The following ACTR3C variants were observed in gnomAD, a reference collection of about 807,000 sequenced individuals.
The protein encoded by ACTR3C is actin related protein 3C, also known as actin-related protein 3C.
In ACTR3C, 18 loss-of-function variants were observed where a neutral mutation model predicts 26.3. The observed-to-expected ratio is 0.68, with a 90% CI of 0.47 to 1.01. The LOEUF is 1.01. Ranked by LOEUF, ACTR3C falls within the 50% of genes least tolerant of loss-of-function variation. The pLI, the probability that ACTR3C is intolerant of heterozygous loss-of-function variation, is 0.00. For missense variants in ACTR3C, 184 were observed against 250.7 expected (o/e 0.73, Z 1.80); for synonymous variants, 55 against 94.5 (o/e 0.58, Z 2.42).
At chr7:149,947,941 A>G in the ACTR3C span, among the ~76,000 whole-genome samples, 2 of 151,792 alleles carry the variant, frequency 1.3e-5, no homozygotes, top group African/African-American at 4.9e-5. Flanking sequence ...TCCTCGTGTC[A>G]ATGTTATACA....
the ACTR3C span, among the ~76,000 whole-genome samples, chr7:150,070,431 T>G: frequency 6.6e-6 from 1 of 152,178 alleles, no homozygotes; most frequent in Admixed American, 6.5e-5. Flanking sequence ...GGCAGAGAAA[T>G]AGCCAGGGGC....
the ACTR3C span, among the ~76,000 whole-genome samples, chr7:150,110,444 TGAGGGTGGGGCTGGAA>T: frequency 9.6e-5 from 11 of 114,138 alleles, no homozygotes; most frequent in Non-Finnish European, 1.3e-4. Context: ...TGGGGCTGCC[TGAGGGTGGGGCTGGAA>T]GAGGGTGGGG....
At chr7:149,994,516 G>A in the ACTR3C span, among the ~76,000 whole-genome samples, 1 of 152,156 alleles carries the variant, frequency 6.6e-6, no homozygotes, top group Non-Finnish European at 1.5e-5. Flanking sequence ...AGAATCGCTT[G>A]AACCCGGGAG....
intron 6 of ACTR3C, among the ~76,000 whole-genome samples, chr7:150,282,353 T>C (rs547429203): frequency 1.3e-5 from 2 of 152,204 alleles, no homozygotes; most frequent in African/African-American, 4.8e-5. Flanking sequence ...AACACTGAGA[T>C]TTTGGATTAA....
chr7:150,159,943 T>G, the ACTR3C span, among the ~76,000 whole-genome samples: 1 of 152,078 alleles, frequency 6.6e-6, no homozygotes, highest in East Asian at 1.9e-4. Flanking sequence ...TAGCTGGGCC[T>G]GCCATCATGC....
chr7:150,093,086 A>G, the ACTR3C span, among the ~76,000 whole-genome samples: 1 of 151,476 alleles, frequency 6.6e-6, no homozygotes, highest in African/African-American at 2.5e-5. Context: ...CACTCTAAGT[A>G]CTTGCGGCCT....
At chr7:150,258,361 ATTTC>A (rs1193860919) in intron 6 of ACTR3C, among the ~76,000 whole-genome samples, 142 of 150,924 alleles carry the variant, frequency 9.4e-4, no homozygotes, top group African/African-American at 3.2e-3. Context: ...ATAACAAGCC[ATTTC>A]AAAGACTACT....
chr7:149,971,458 T>A, the ACTR3C span, among the ~76,000 whole-genome samples: 1 of 152,212 alleles, frequency 6.6e-6, no homozygotes, highest in Admixed American at 6.5e-5. Flanking sequence ...CATGTTAGGA[T>A]CCTTACACAT....
the ACTR3C span, among the ~76,000 whole-genome samples, chr7:149,991,976 CT>C: frequency 8.6e-6 from 1 of 116,932 alleles, no homozygotes; most frequent in Non-Finnish European, 2.0e-5. Flanking sequence ...CAAACCTAAT[CT>C]TACACTGAGT....
the ACTR3C span, among the ~76,000 whole-genome samples, chr7:150,052,401 C>T: frequency 7.9e-5 from 12 of 152,140 alleles, no homozygotes; most frequent in East Asian, 2.3e-3. Flanking sequence ...CTATTTCAGG[C>T]TTTTGAAAAA....
At chr7:150,134,656 C>G in the ACTR3C span, among the ~76,000 whole-genome samples, 2 of 152,268 alleles carry the variant, frequency 1.3e-5, no homozygotes, top group Admixed American at 6.5e-5. Flanking sequence ...TTCGACGCCA[C>G]CAGAGGGGTC....
chr7:150,032,248 T>C, the ACTR3C span, among the ~76,000 whole-genome samples: 2 of 152,212 alleles, frequency 1.3e-5, no homozygotes, highest in Non-Finnish European at 2.9e-5. Context: ...ATGAGGTTGC[T>C]GCTTTGGAGG....
the ACTR3C span, among the ~76,000 whole-genome samples, chr7:150,096,331 G>A: frequency 6.6e-6 from 1 of 151,180 alleles, no homozygotes; most frequent in African/African-American, 2.5e-5. Context: ...GACACGAAGT[G>A]ATTACTCAGT....
At chr7:150,011,698 C>G in the ACTR3C span, among the ~76,000 whole-genome samples, 1 of 152,148 alleles carries the variant, frequency 6.6e-6, no homozygotes, top group Non-Finnish European at 1.5e-5. Flanking sequence ...GACATAATTT[C>G]AGGGTCAGTT....
At chr7:150,148,243 C>T in the ACTR3C span, among the ~76,000 whole-genome samples, 1 of 151,610 alleles carries the variant, frequency 6.6e-6, no homozygotes, top group African/African-American at 2.4e-5. Context: ...ATTTGGGAGG[C>T]TGATGAGGGC....
chr7:150,216,178 G>T, the ACTR3C span, among the ~76,000 whole-genome samples: 1 of 151,994 alleles, frequency 6.6e-6, no homozygotes, highest in African/African-American at 2.4e-5. Context: ...ATAGAGCGAA[G>T]AATTTTAGAT....
chr7:150,056,765 C>G, the ACTR3C span, among the ~76,000 whole-genome samples: 1 of 146,400 alleles, frequency 6.8e-6, no homozygotes, highest in African/African-American at 2.6e-5. Context: ...TAATCATCAC[C>G]ATTGTGCTCC....
chr7:150,250,423 TTGACCTCCTGACCTCG>T (rs1464535310), intron 6 of ACTR3C, among the ~76,000 whole-genome samples: 1 of 151,810 alleles, frequency 6.6e-6, no homozygotes, highest in African/African-American at 2.4e-5. Flanking sequence ...CAGGATGGTC[TTGACCTCCTGACCTCG>T]TGATCCGCCC....
At chr7:150,009,125 A>G in the ACTR3C span, among the ~76,000 whole-genome samples, 1 of 152,252 alleles carries the variant, frequency 6.6e-6, no homozygotes. Flanking sequence ...CTCCCAGAGC[A>G]AAGCCCTAAA....
Sources: gnomAD v4.1 joint callset for allele counts (sites outside exome capture counted in the v4.1 genomes callset) on GRCh38, gnomAD v4.1.1 for gene constraint, MANE v1.5 for transcripts, NCBI Gene and HGNC (gene_info 2026-07-23, HGNC 2026-07-21) for gene names.